Variants in CCDC9B observed in about 807,000 individuals in gnomAD.
CCDC9B encodes coiled-coil domain containing 9B.
A neutral mutation model predicts 47.2 loss-of-function variants in CCDC9B; 40 were observed. The ratio of observed to expected loss-of-function variants is 0.85; its 90% CI spans 0.66 to 1.10. CCDC9B has a LOEUF of 1.10. CCDC9B is among the 50% of genes least tolerant of loss of function. CCDC9B has a pLI of 0.00. For synonymous variants in CCDC9B, 238 were observed against 250.7 expected, an observed-to-expected ratio of 0.95 and a Z score of 0.48; for missense variants, 662 against 651.0, an observed-to-expected ratio of 1.02 and a Z score of -0.18.
chr15:40,337,901 G>A lies in CCDC9B; in HGVS notation c.514-8C>T. Reference sequence around the variant, plus strand: ...CCAGGGCTCCCAAGAACCCTGTAGGGAGAAGACACTCAGAGTGAGGGGGAG... The same window carrying A: ...CCAGGGCTCCCAAGAACCCTGTAGGAAGAAGACACTCAGAGTGAGGGGGAG... On this transcript the variant is annotated splice_region_variant and splice_polypyrimidine_tract_variant and intron_variant, in intron 5 of 10. Transcript: ENST00000397536. 1 of 1,591,186 alleles carries A rather than the reference G, an allele frequency of 6.3e-7. No homozygotes were observed. Among genetic ancestry groups the A allele is most frequent in the South Asian group, 1.1e-5 (1 of 87,120 alleles).
intron 1 of CCDC9B, chr15:40,340,439 G>A (rs1348691069): frequency 3.0e-6 from 1 of 332,302 alleles, no homozygotes; most frequent in Non-Finnish European, 5.5e-6. Context: ...CAGAGAAAAA[G>A]GAGAGGCCCT....
intron 5 of CCDC9B, chr15:40,338,142 G>A: frequency 1.4e-6 from 1 of 722,512 alleles, no homozygotes; most frequent in South Asian, 1.5e-5. Context: ...CCAACCCACA[G>A]GGGTGTTGCA....
At chr15:40,335,943 C>A (rs1327491241) in intron 9 of CCDC9B, 117 bp from the exon 10 acceptor site, 44 of 1,527,928 alleles carry the variant, frequency 2.9e-5, no homozygotes, top group Non-Finnish European at 3.4e-5. Context: ...TGAGCTGGGA[C>A]CCCATGGTTT....
rs1201709772 is a variant in CCDC9B, at chr15:40,335,138, C to T, written c.*20G>A. ...CCCTTTTCCTCTCCCCGGGGACTCC[C>T]CAGCTCCCAGGAGCTGTGTTCAGCA... On this transcript the variant is annotated 3_prime_UTR_variant, in exon 11 of 11. Coordinates refer to ENST00000397536, the MANE Select transcript of CCDC9B (RefSeq NM_207380.3). 8 of 1,487,948 alleles carry T rather than the reference C, an allele frequency of 5.4e-6. No homozygotes were observed. The highest frequency in any genetic ancestry group is 2.3e-5 in the Admixed American group (1 of 43,598). 92.2% of individuals were successfully genotyped at this position (1,487,948 alleles called of 1,614,324 possible). A position where few individuals can be genotyped will look rare whatever the true frequency, so the allele number is the denominator to read the frequency against.
intron 3 of CCDC9B, 93 bp downstream of exon 3, chr15:40,339,419 T>G (rs1480436616): frequency 8.9e-6 from 12 of 1,341,010 alleles, no homozygotes; most frequent in Non-Finnish European, 1.3e-5. Flanking sequence ...GAATAGTTAG[T>G]AGGAGAGGGG....
Position 40,335,421 on chromosome 15 carries a change from T to A in CCDC9B, c.1210A>T (p.Ser404Cys). ...GAGCCCTCTGGCCAAGACACAGGGCTCTCCTGGGCCCCAGGCCTCAGACCG... is the reference window on the plus strand; with the variant it reads ...GAGCCCTCTGGCCAAGACACAGGGCACTCCTGGGCCCCAGGCCTCAGACCG... ...VLGLRPGAQE[S>C]PVSWPEGSKQ... The change falls in exon 11 of 11, where the codon AGC becomes TGC. Residue 404 changes from serine to cysteine, a missense_variant. By Grantham distance (112) the Ser-to-Cys change is moderately radical. Coordinates refer to ENST00000397536, the MANE Select transcript of CCDC9B (RefSeq NM_207380.3). 6.2e-7 allele frequency: 1 copy of A among 1,612,110 alleles called. No homozygotes were observed.
Position 40,338,729 on chromosome 15 carries a change from T to G in CCDC9B, c.387+19A>C, listed in dbSNP as rs759172689. ...AGAGGCTGCCTGCCGATGCCTGCAC[T>G]CCCCACCACCCTGCTCACCTCTGCT... On this transcript the variant is annotated intron_variant, in intron 4 of 10. Transcript: ENST00000397536. The G allele has an allele frequency of 6.2e-6, 10 of 1,610,646 alleles. No homozygotes were observed. Among genetic ancestry groups the G allele is most frequent in the Non-Finnish European group, 8.5e-6 (10 of 1,177,528 alleles).
rs1322537301 is a variant in CCDC9B, at chr15:40,332,103, CTT to C, written c.*3053_*3054del. ...AGACCCTCCACCTTTGAAGAGCAGT[CTT>C]TTCTGTTGGTTGGAGAAGAGAAAGA... On this transcript the variant is annotated 3_prime_UTR_variant, in exon 11 of 11. Coordinates refer to ENST00000397536, the MANE Select transcript of CCDC9B (RefSeq NM_207380.3). 2 of 152,180 alleles carry C rather than the reference CTT, an allele frequency of 1.3e-5. No homozygotes were observed. Among genetic ancestry groups the C allele is most frequent in the African/African-American group, 4.8e-5 (2 of 41,436 alleles). The allele number at this position is 152,180 out of a possible 1,614,324, so 9.4% of individuals were successfully genotyped here. A position where few individuals can be genotyped will look rare whatever the true frequency, so the allele number is the denominator to read the frequency against.
chr15:40,339,707 A>G lies in CCDC9B; in HGVS notation c.124-88T>C, dbSNP rs1267580236. 4 of 1,576,878 alleles carry G rather than the reference A, an allele frequency of 2.5e-6. No homozygotes were observed. In the African/African-American group the frequency reaches 5.4e-5, roughly 21 times the overall value. ...TGATAGGCCTACACAGAGAGACACC[A>G]GTGGGACACCAGGGGGCAGAGGCGC... is the stretch of plus-strand genomic sequence containing the variant. On this transcript the variant is annotated intron_variant, in intron 2 of 10. Coordinates refer to ENST00000397536, the MANE Select transcript of CCDC9B (RefSeq NM_207380.3).
chr15:40,337,096 G>A, intron 7 of CCDC9B: 1 of 610,614 alleles, frequency 1.6e-6, no homozygotes, highest in Non-Finnish European at 2.9e-6. Context: ...TCTGGGGAAG[G>A]ACCACCAGGA....
At position 40,339,562 on chromosome 15, in the gene CCDC9B, C is replaced by T. The variant is rs370567190; in HGVS notation, c.181G>A (p.Ala61Thr). ...GTGAGGCCATCAGGCTGGAGGAGTG[C>T]TGGTGTGGTCACAGCCATCCCCCCC... is the stretch of plus-strand genomic sequence containing the variant. ...EQGGMAVTTP[A>T]LLQPDGLTVT... Residue 61 changes from alanine to threonine, a missense_variant, in exon 3 of 11, where the codon GCA becomes ACA. By Grantham distance (58) the Ala-to-Thr change is moderately conservative. Transcript: ENST00000397536. 1.2e-6 allele frequency: 2 copies of T among 1,612,650 alleles called. No individual in the cohort carries two copies. Among genetic ancestry groups the T allele is most frequent in the Admixed American group, 3.3e-5 (2 of 59,992 alleles).
chr15:40,336,097 A>C, intron 9 of CCDC9B: 1 of 985,360 alleles, frequency 1.0e-6, no homozygotes, highest in Non-Finnish European at 1.2e-6. Flanking sequence ...CTCCTTGCCA[A>C]AGAAACTCCT....
intron 5 of CCDC9B, among the ~76,000 whole-genome samples, chr15:40,338,325 G>A (rs1301345753): frequency 6.6e-6 from 1 of 152,226 alleles, no homozygotes; most frequent in African/African-American, 2.4e-5. Context: ...AGGGGAGGGG[G>A]CTGGATCACA....
At chr15:40,338,457 C>T (rs1889014440) in intron 5 of CCDC9B, 78 bp downstream of exon 5, 1 of 1,522,308 alleles carries the variant, frequency 6.6e-7, no homozygotes, top group Non-Finnish European at 9.0e-7. Context: ...AAATGAGGGA[C>T]ATATCTGACT....
At chr15:40,337,287 G>A (rs1402395251) in intron 7 of CCDC9B, 101 bp downstream of exon 7, 3 of 1,144,850 alleles carry the variant, frequency 2.6e-6, no homozygotes, top group Non-Finnish European at 2.6e-6. Flanking sequence ...CTTCCTTTCA[G>A]CTCTGAAAAT....
In CCDC9B at chr15:40,340,019, CAGAG is replaced by C; in HGVS notation, c.13-8_13-5del. ...GGGACTCGGCTCTGGGAGTTCCCTG[CAGAG>C]GCAGGGAACCCAAGCTCCTGACTTC... On this transcript the variant is annotated splice_region_variant and splice_polypyrimidine_tract_variant and intron_variant, in intron 1 of 10. Coordinates refer to ENST00000397536, the MANE Select transcript of CCDC9B (RefSeq NM_207380.3). 1 of 1,601,894 alleles carries C rather than the reference CAGAG, an allele frequency of 6.2e-7. No homozygotes were observed.
Position 40,338,687 on chromosome 15 carries a change from A to G in CCDC9B, c.388-27T>C, listed in dbSNP as rs201218759. 14 of 1,612,912 alleles carry G rather than the reference A, an allele frequency of 8.7e-6. No homozygotes were observed. The Admixed American group carries it at 1.3e-4, about 15-fold the overall frequency. On this transcript the variant is annotated intron_variant, in intron 4 of 10. Coordinates refer to ENST00000397536, the MANE Select transcript of CCDC9B (RefSeq NM_207380.3). The stretch of plus-strand genomic sequence containing the variant: ...TGGGGAGGATGAAGATGGGCAGTGC[A>G]GCAGAGCCAGGGAGGAAGAGGCTGC...
At chr15:40,338,683 G>C in intron 4 of CCDC9B, 23 bp from the exon 5 acceptor site, 2 of 1,613,232 alleles carry the variant, frequency 1.2e-6, no homozygotes, top group Non-Finnish European at 1.7e-6. Flanking sequence ...AAGATGGGCA[G>C]TGCAGCAGAG....
At chr15:40,336,088 T>C (rs1256782089) in intron 9 of CCDC9B, 3 of 985,376 alleles carry the variant, frequency 3.0e-6, no homozygotes, top group Non-Finnish European at 3.6e-6. Flanking sequence ...GGCCTCCATC[T>C]CCTTGCCAAA....
Sources: gnomAD v4.1 joint callset for allele counts (sites outside exome capture counted in the v4.1 genomes callset) on GRCh38, gnomAD v4.1.1 for gene constraint, MANE v1.5 for transcripts, NCBI Gene and HGNC (gene_info 2026-07-23, HGNC 2026-07-21) for gene names.